KLRG1: variants seen among roughly 807,000 people sequenced by gnomAD.
The protein encoded by KLRG1 is killer cell lectin-like receptor subfamily G member 1.
In KLRG1, 16 loss-of-function variants were observed where a neutral mutation model predicts 21.8. The ratio of observed to expected loss-of-function variants is 0.73; its 90% CI spans 0.50 to 1.11. KLRG1 has a LOEUF of 1.11. Among genes scored for constraint, KLRG1 ranks in the 50% most tolerant of loss-of-function variants. KLRG1 has a pLI of 0.00. For synonymous variants in KLRG1, 69 were observed against 75.9 expected (o/e 0.91, Z 0.47); for missense variants, 173 against 218.3 (o/e 0.79, Z 1.31).
the KLRG1 span, among the ~76,000 whole-genome samples, chr12:9,209,508 T>G: frequency 0.24 from 37,168 of 151,928 alleles, 5,138 homozygotes; most frequent in Admixed American, 0.36. Context: ...TTTAATAAAA[T>G]TAAACACTTG....
the KLRG1 span, among the ~76,000 whole-genome samples, chr12:9,194,499 C>G: frequency 7.9e-6 from 1 of 126,598 alleles, no homozygotes; most frequent in Non-Finnish European, 1.6e-5. Context: ...GAGTCTCGCT[C>G]TGTCGCCCAG....
the KLRG1 span, among the ~76,000 whole-genome samples, chr12:9,129,777 T>G: frequency 6.6e-6 from 1 of 152,208 alleles, no homozygotes; most frequent in Non-Finnish European, 1.5e-5. Flanking sequence ...CTAGATCTCC[T>G]GACCTTGTGA....
chr12:9,000,722 T>C (rs1374643279), intron 3 of KLRG1, among the ~76,000 whole-genome samples: 1 of 152,252 alleles, frequency 6.6e-6, no homozygotes, highest in Admixed American at 6.5e-5. Context: ...AATAACATTC[T>C]ATTATATGGA....
At chr12:9,107,549 G>C in the KLRG1 span, 1 of 1,613,922 alleles carries the variant, frequency 6.2e-7, no homozygotes, top group Non-Finnish European at 8.5e-7. Flanking sequence ...CTCACAGAAA[G>C]CCTGTGAATC....
chr12:9,021,909 A>G, the KLRG1 span, among the ~76,000 whole-genome samples: 1 of 152,146 alleles, frequency 6.6e-6, no homozygotes, highest in Non-Finnish European at 1.5e-5. Context: ...TGTTTTACAG[A>G]TAACTATTTT....
chr12:9,060,586 G>A, the KLRG1 span, among the ~76,000 whole-genome samples: 1 of 152,094 alleles, frequency 6.6e-6, no homozygotes, highest in Non-Finnish European at 1.5e-5. Flanking sequence ...AGCTGAGATT[G>A]CGCCATTGCA....
At chr12:9,003,028 G>A (rs766551489) in intron 3 of KLRG1, among the ~76,000 whole-genome samples, 1 of 152,018 alleles carries the variant, frequency 6.6e-6, no homozygotes, top group Non-Finnish European at 1.5e-5. Context: ...TCGAGTGAAA[G>A]TGCCATAATA....
At chr12:9,136,017 G>A in the KLRG1 span, among the ~76,000 whole-genome samples, 5 of 152,092 alleles carry the variant, frequency 3.3e-5, no homozygotes, top group Admixed American at 1.3e-4. Flanking sequence ...AAACATAGTA[G>A]TACTGGAAAT....
the KLRG1 span, among the ~76,000 whole-genome samples, chr12:9,194,393 C>T: frequency 6.6e-5 from 10 of 152,070 alleles, no homozygotes; most frequent in Non-Finnish European, 1.5e-5. Context: ...ATGTTTCCTT[C>T]CATTTGGATC....
chr12:9,098,748 C>G, the KLRG1 span: 55 of 1,612,614 alleles, frequency 3.4e-5, no homozygotes, highest in Non-Finnish European at 4.5e-5. Flanking sequence ...GGCTGAAGCT[C>G]AAATCCACCT....
At chr12:9,195,577 G>A in the KLRG1 span, among the ~76,000 whole-genome samples, 1 of 150,992 alleles carries the variant, frequency 6.6e-6, no homozygotes, top group Non-Finnish European at 1.5e-5. Flanking sequence ...CCAAGCAGCT[G>A]GGACTACAGG....
At chr12:9,043,436 C>T in the KLRG1 span, among the ~76,000 whole-genome samples, 1 of 152,150 alleles carries the variant, frequency 6.6e-6, no homozygotes, top group Admixed American at 6.5e-5. Context: ...CTCCTGTGCT[C>T]AAGGAGTAGT....
the KLRG1 span, among the ~76,000 whole-genome samples, chr12:9,129,828 G>A: frequency 2.6e-5 from 4 of 152,322 alleles, no homozygotes; most frequent in South Asian, 6.2e-4. Context: ...GATTACAGGC[G>A]TGAGCCACCG....
chr12:9,178,611 A>G, the KLRG1 span, among the ~76,000 whole-genome samples: 6 of 152,230 alleles, frequency 3.9e-5, no homozygotes, highest in African/African-American at 1.4e-4. Context: ...AGAAGGAAAA[A>G]GAAAATCATG....
chr12:9,203,577 G>C, the KLRG1 span, among the ~76,000 whole-genome samples: 1 of 151,970 alleles, frequency 6.6e-6, no homozygotes, highest in Non-Finnish European at 1.5e-5. Context: ...TCCTGACCTC[G>C]TGATCTGCCC....
chr12:9,147,744 C>T, the KLRG1 span, among the ~76,000 whole-genome samples: 1 of 152,168 alleles, frequency 6.6e-6, no homozygotes, highest in African/African-American at 2.4e-5. Context: ...GGTATATCCA[C>T]CCACCATTCT....
intron 3 of KLRG1, 45 bp from the exon 4 acceptor site, chr12:9,008,930 A>C: frequency 8.0e-7 from 1 of 1,248,818 alleles, no homozygotes; most frequent in East Asian, 2.3e-5. Flanking sequence ...TAATTGTTTG[A>C]CTGTGACACT....
the KLRG1 span, among the ~76,000 whole-genome samples, chr12:9,156,931 A>T: frequency 2.0e-5 from 3 of 151,424 alleles, no homozygotes; most frequent in East Asian, 1.9e-4. Flanking sequence ...TTTATTTTTT[A>T]AATGTTATTT....
At chr12:8,973,547 C>A (rs1180621540) in intron 1 of KLRG1, among the ~76,000 whole-genome samples, 2 of 152,184 alleles carry the variant, frequency 1.3e-5, no homozygotes, top group South Asian at 4.1e-4. Context: ...AGACATTGAA[C>A]CTGTGCCTTG....
Sources: allele counts gnomAD v4.1 joint callset (sites outside exome capture counted in the v4.1 genomes callset), GRCh38; gene constraint gnomAD v4.1.1; transcripts MANE v1.5; gene names NCBI Gene and HGNC (gene_info 2026-07-23, HGNC 2026-07-21).